NRSN1: variants seen among roughly 807,000 people sequenced by gnomAD.
NRSN1 encodes neurensin-1.
NRSN1 carries 14 observed loss-of-function variants against 17.3 expected under a neutral mutation model. The observed-to-expected ratio is 0.81, with a 90% CI of 0.54 to 1.27. NRSN1 has a LOEUF of 1.27. NRSN1 is among the 50% of genes most tolerant of loss of function. The pLI, the probability that NRSN1 is intolerant of heterozygous loss-of-function variation, is 0.00. For missense variants in NRSN1, 209 were observed against 235.9 expected, an observed-to-expected ratio of 0.89 and a Z score of 0.75; for synonymous variants, 79 against 94.2, an observed-to-expected ratio of 0.84 and a Z score of 0.93.
chr6:24,134,608 T>G (rs2030351872), intron 3 of NRSN1, 92 bp downstream of exon 3: 2 of 982,084 alleles, frequency 2.0e-6, no homozygotes, highest in South Asian at 3.0e-5. Flanking sequence ...GGTTTAGTAC[T>G]CGCTGTGTGT....
At chr6:24,127,625 T>C (rs960194611) in intron 1 of NRSN1, among the ~76,000 whole-genome samples, 2 of 152,180 alleles carry the variant, frequency 1.3e-5, no homozygotes, top group African/African-American at 4.8e-5. Context: ...AAACTCAGCC[T>C]AATAAGTAAA....
chr6:24,141,674 G>A (rs1302101467), intron 3 of NRSN1, among the ~76,000 whole-genome samples: 1 of 152,202 alleles, frequency 6.6e-6, no homozygotes, highest in African/African-American at 2.4e-5. Context: ...GAAAGCCATG[G>A]TTTGCATTTT....
chr6:24,144,076 A>G (rs1760261427), intron 3 of NRSN1, among the ~76,000 whole-genome samples: 1 of 152,182 alleles, frequency 6.6e-6, no homozygotes. Flanking sequence ...GAGCTAATGC[A>G]GTTTAACCTC....
At chr6:24,142,529 G>A (rs1046042361) in intron 3 of NRSN1, among the ~76,000 whole-genome samples, 24 of 151,914 alleles carry the variant, frequency 1.6e-4, no homozygotes, top group African/African-American at 5.6e-4. Context: ...TGTGATCTCG[G>A]CTCACTGCAA....
intron 3 of NRSN1, among the ~76,000 whole-genome samples, chr6:24,137,569 A>G (rs1395030201): frequency 1.3e-5 from 2 of 151,906 alleles, no homozygotes; most frequent in African/African-American, 2.4e-5. Flanking sequence ...TTTAGGGTAC[A>G]TGTGCACAAT....
At position 24,142,913 on chromosome 6, in the gene NRSN1, G is replaced by A. The variant is rs139354032; in HGVS notation, c.190-2635G>A. 5.3e-4 allele frequency among the ~76,000 whole-genome samples: 81 copies of A among 152,198 alleles called. 1 individual carries two copies. The highest frequency in any genetic ancestry group is 6.8e-3 in the Middle Eastern group (2 of 294). ...AGCTTTTATATCCTTATTTGGCCCCGCCCACATCCTGCTGATTGGTCCATT... is the reference window on the plus strand; with the variant it reads ...AGCTTTTATATCCTTATTTGGCCCCACCCACATCCTGCTGATTGGTCCATT... On this transcript the variant is annotated intron_variant, in intron 3 of 3. Transcript: ENST00000378491.
Position 24,146,030 on chromosome 6 carries a change from G to A in NRSN1, c.*84G>A. On this transcript the variant is annotated 3_prime_UTR_variant, in exon 4 of 4. Coordinates refer to ENST00000378491, the MANE Select transcript of NRSN1 (RefSeq NM_080723.5). Reference sequence around the variant, plus strand: ...CCAGTTTTCGAGATAAAGAAGATTTGGCGTTGACTGCCCTAGGGCTGTGTT... The same window carrying A: ...CCAGTTTTCGAGATAAAGAAGATTTAGCGTTGACTGCCCTAGGGCTGTGTT... 1 of 1,355,946 alleles carries A rather than the reference G, an allele frequency of 7.4e-7. No homozygotes were observed. Among genetic ancestry groups the A allele is most frequent in the Non-Finnish European group, 1.0e-6 (1 of 962,492 alleles). The allele number at this position is 1,355,946 out of a possible 1,614,324, so 84.0% of individuals were successfully genotyped here.
chr6:24,146,179 A>T lies in NRSN1; in HGVS notation c.*233A>T. On this transcript the variant is annotated 3_prime_UTR_variant, in exon 4 of 4. Transcript: ENST00000378491. ...CTGCTTAAGATGGGTGCTTCCTTGT[A>T]CCCGGCCACCAGAAAACCCCTGGAA... 1.4e-6 allele frequency: 1 copy of T among 700,816 alleles called. No individual in the cohort carries two copies. Among genetic ancestry groups the T allele is most frequent in the East Asian group, 2.8e-5 (1 of 35,946 alleles). 43.4% of individuals were successfully genotyped at this position (700,816 alleles called of 1,614,324 possible).
chr6:24,131,974 A>G (rs903425071), intron 2 of NRSN1, among the ~76,000 whole-genome samples: 7 of 151,996 alleles, frequency 4.6e-5, no homozygotes, highest in Non-Finnish European at 8.8e-5. Flanking sequence ...GTGTATGTGT[A>G]GACTCTTGCC....
chr6:24,128,244 T>C (rs1051573527), intron 2 of NRSN1, 44 bp downstream of exon 2: 3 of 152,192 alleles, frequency 2.0e-5, no homozygotes, highest in African/African-American at 7.2e-5. Context: ...AAGCACCCTG[T>C]GTATGCATGT....
At chr6:24,134,642 T>C (rs943341239) in intron 3 of NRSN1, 126 bp downstream of exon 3, 3 of 736,664 alleles carry the variant, frequency 4.1e-6, no homozygotes, top group Non-Finnish European at 6.5e-6. Flanking sequence ...TGATACTAAA[T>C]GCATTTTTCT....
Position 24,134,319 on chromosome 6 carries a change from C to G in NRSN1, c.-9C>G. 1.2e-6 allele frequency: 2 copies of G among 1,612,586 alleles called. No individual in the cohort carries two copies. Among genetic ancestry groups the G allele is most frequent in the Non-Finnish European group, 1.7e-6 (2 of 1,179,236 alleles). ...ATCCATGTGGATGTTGTCATTCCAGCTGGGAAGGATGAGTTCTTGCAGCAA... is the reference window on the plus strand; with the variant it reads ...ATCCATGTGGATGTTGTCATTCCAGGTGGGAAGGATGAGTTCTTGCAGCAA... On this transcript the variant is annotated splice_region_variant and 5_prime_UTR_variant, in exon 3 of 4. Coordinates refer to ENST00000378491, the MANE Select transcript of NRSN1 (RefSeq NM_080723.5).
At chr6:24,134,587 G>A (rs1760089338) in intron 3 of NRSN1, 71 bp downstream of exon 3, 1 of 1,239,668 alleles carries the variant, frequency 8.1e-7, no homozygotes, top group Admixed American at 1.8e-5. Flanking sequence ...TGCAGCTGTG[G>A]AGGATGGAGA....
intron 3 of NRSN1, among the ~76,000 whole-genome samples, chr6:24,143,487 T>C (rs897499390): frequency 2.0e-5 from 3 of 152,226 alleles, no homozygotes; most frequent in Admixed American, 6.5e-5. Context: ...GATTTGTGGA[T>C]ACGTTTTCCT....
chr6:24,137,484 A>C (rs1185368038), intron 3 of NRSN1, among the ~76,000 whole-genome samples: 1 of 152,028 alleles, frequency 6.6e-6, no homozygotes, highest in African/African-American at 2.4e-5. Flanking sequence ...GGAGTTCACA[A>C]TCAAATAGGG....
At chr6:24,139,457 T>C (rs1421112701) in intron 3 of NRSN1, among the ~76,000 whole-genome samples, 1 of 152,146 alleles carries the variant, frequency 6.6e-6, no homozygotes, top group Non-Finnish European at 1.5e-5. Context: ...GTGACTAAGA[T>C]TTAATATCCA....
At chr6:24,127,943 T>C (rs1759972921) in intron 1 of NRSN1, among the ~76,000 whole-genome samples, 185 bp from the exon 2 acceptor site, 1 of 152,244 alleles carries the variant, frequency 6.6e-6, no homozygotes, top group Non-Finnish European at 1.5e-5. Context: ...TGAGAACCCA[T>C]TGAAAAGTTC....
rs143844346 is a variant in NRSN1, at chr6:24,136,094, C to T, written c.189+1578C>T. The stretch of plus-strand genomic sequence containing the variant: ...CTCTTTTGTTTAATCATTCTGTAAC[C>T]CTGGGCAAATTAATTGGCCTTATGG... On this transcript the variant is annotated intron_variant, in intron 3 of 3. Transcript: ENST00000378491. Among the ~76,000 whole-genome samples the T allele has an allele frequency of 4.2e-3, 644 of 152,156 alleles. 3 individuals are homozygous for T. Among genetic ancestry groups the T allele is most frequent in the African/African-American group, 0.015 (603 of 41,488 alleles).
chr6:24,129,650 G>C (rs931024489), intron 2 of NRSN1: 2 of 152,150 alleles, frequency 1.3e-5, no homozygotes, highest in African/African-American at 4.8e-5. Context: ...AATTTGATAG[G>C]GAGTGGCAGC....
Sources: gnomAD v4.1 joint callset for allele counts (sites outside exome capture counted in the v4.1 genomes callset) on GRCh38, gnomAD v4.1.1 for gene constraint, MANE v1.5 for transcripts, NCBI Gene and HGNC (gene_info 2026-07-23, HGNC 2026-07-21) for gene names.